Variants in COP1 observed in about 807,000 individuals in gnomAD.
COP1 encodes the protein COP1 E3 ubiquitin ligase, also known as E3 ubiquitin-protein ligase COP1.
Under a neutral mutation model 101.3 loss-of-function variants are expected in COP1, and 24 were observed. The ratio of observed to expected loss-of-function variants is 0.24; its 90% CI spans 0.17 to 0.33. The LOEUF is 0.33. Among genes scored for constraint, COP1 ranks in the 10% least tolerant of loss-of-function variants. COP1 has a pLI of 1.00. For synonymous variants in COP1, 347 were observed against 341.9 expected (o/e 1.01, Z -0.17); for missense variants, 663 against 906.2 (o/e 0.73, Z 3.45).
intron 3 of COP1, among the ~76,000 whole-genome samples, chr1:176,172,872 G>A (rs914542685): frequency 2.6e-5 from 4 of 152,172 alleles, no homozygotes; most frequent in Non-Finnish European, 5.9e-5. Flanking sequence ...GGCTATCACT[G>A]AACAAAGGAC....
chr1:176,143,974 A>C (rs532352919), intron 6 of COP1, among the ~76,000 whole-genome samples: 1 of 152,142 alleles, frequency 6.6e-6, no homozygotes, highest in African/African-American at 2.4e-5. Context: ...GATAAAAAGT[A>C]CCTACAAAAA....
chr1:176,124,691 T>C (rs1687729974), intron 8 of COP1, among the ~76,000 whole-genome samples: 1 of 152,220 alleles, frequency 6.6e-6, no homozygotes, highest in African/African-American at 2.4e-5. Flanking sequence ...ACAGGTTACT[T>C]CCAAATCTTG....
intron 6 of COP1, among the ~76,000 whole-genome samples, chr1:176,139,906 T>C (rs183207117): frequency 8.5e-5 from 13 of 152,232 alleles, no homozygotes; most frequent in Admixed American, 7.9e-4. Flanking sequence ...CATCACACCA[T>C]ATATCTACGT....
intron 14 of COP1, 135 bp downstream of exon 14, chr1:176,043,051 G>A (rs951309404): frequency 1.9e-5 from 12 of 639,442 alleles, no homozygotes; most frequent in Middle Eastern, 5.2e-4. Context: ...AAAACAACAT[G>A]GGGAATAATA....
intron 5 of COP1, among the ~76,000 whole-genome samples, chr1:176,150,938 C>T (rs1024651714): frequency 6.6e-6 from 1 of 151,754 alleles, no homozygotes; most frequent in Admixed American, 6.6e-5. Flanking sequence ...TACAATTTCA[C>T]ATATAAATAT....
At chr1:175,985,950 C>T (rs1057283284) in intron 18 of COP1, among the ~76,000 whole-genome samples, 1 of 152,108 alleles carries the variant, frequency 6.6e-6, no homozygotes, top group Non-Finnish European at 1.5e-5. Flanking sequence ...AAAAACCCAA[C>T]TAATCACCTA....
intron 1 of COP1, among the ~76,000 whole-genome samples, chr1:176,201,270 C>T (rs1423459843): frequency 6.6e-6 from 1 of 152,234 alleles, no homozygotes; most frequent in East Asian, 1.9e-4. Flanking sequence ...CCCTGTAATA[C>T]AAATTTTAAC....
intron 18 of COP1, chr1:175,968,464 T>C: frequency 1.9e-6 from 1 of 519,154 alleles, no homozygotes; most frequent in South Asian, 1.4e-5. Context: ...TCCATATATT[T>C]ATGTAGGATC....
At chr1:176,150,454 G>A (rs1692243870) in intron 5 of COP1, among the ~76,000 whole-genome samples, 1 of 152,154 alleles carries the variant, frequency 6.6e-6, no homozygotes, top group Non-Finnish European at 1.5e-5. Context: ...TTCTTCCCAA[G>A]TGAGTTAATC....
At chr1:175,974,527 C>A in intron 18 of COP1, among the ~76,000 whole-genome samples, 1 of 151,896 alleles carries the variant, frequency 6.6e-6, no homozygotes. Context: ...ACACTCAGTT[C>A]AAATGTTAAA....
At chr1:176,016,076 C>G (rs1665576308) in intron 15 of COP1, among the ~76,000 whole-genome samples, 1 of 151,956 alleles carries the variant, frequency 6.6e-6, no homozygotes, top group Admixed American at 6.6e-5. Context: ...AAATTGAGTT[C>G]TGGATGTTAA....
chr1:176,026,962 T>TGG (rs1667772442), intron 15 of COP1, among the ~76,000 whole-genome samples: 1 of 152,130 alleles, frequency 6.6e-6, no homozygotes, highest in African/African-American at 2.4e-5. Flanking sequence ...AGGGCACTAA[T>TGG]AATAAATACA....
rs900771382 is a variant in COP1 at position 176,093,363 on chromosome 1, T to C, written c.1027-7473A>G. On this transcript the variant is annotated intron_variant, in intron 9 of 19. Transcript: ENST00000367669. ...ATATTCCTTTGTAGGTACCAACATA[T>C]TTTTTAATAATACTAAGATTGTAAT... 5.9e-5 allele frequency among the ~76,000 whole-genome samples: 9 copies of C among 152,280 alleles called. No homozygotes were observed. In the East Asian group the frequency reaches 1.7e-3, roughly 29 times the overall value.
chr1:176,053,772 T>C (rs967776806), intron 11 of COP1, among the ~76,000 whole-genome samples: 4 of 152,246 alleles, frequency 2.6e-5, no homozygotes, highest in Admixed American at 1.3e-4. Context: ...CACTCTGTTA[T>C]GTATTTACTT....
chr1:176,036,520 A>AAAAAAAC (rs1553232075), intron 14 of COP1, among the ~76,000 whole-genome samples: 2 of 143,762 alleles, frequency 1.4e-5, no homozygotes, highest in African/African-American at 2.5e-5. Context: ...AAAAAAAAAA[A>AAAAAAAC]AAAAAAGCAT....
intron 15 of COP1, among the ~76,000 whole-genome samples, chr1:176,019,697 C>T (rs11487335): frequency 6.6e-6 from 1 of 151,326 alleles, no homozygotes; most frequent in Non-Finnish European, 1.5e-5. Flanking sequence ...TACGTTTTTC[C>T]AAAAAATATG....
Position 176,003,826 on chromosome 1 carries a change from C to T in COP1, c.1730-14347G>A, listed in dbSNP as rs936591661. On this transcript the variant is annotated intron_variant, in intron 15 of 19. Transcript: ENST00000367669. ...TTCTTTTGGCTTAGGATTGACTTGG[C>T]GATGTGGGCTCTTTTTTGGTTCCAT... Among the ~76,000 whole-genome samples the T allele has an allele frequency of 1.7e-4, 26 of 151,726 alleles. 1 individual carries two copies. The highest frequency in any genetic ancestry group is 3.2e-3 in the Middle Eastern group (1 of 316).
intron 14 of COP1, among the ~76,000 whole-genome samples, chr1:176,040,276 C>G (rs567104489): frequency 1.3e-5 from 2 of 151,990 alleles, no homozygotes; most frequent in East Asian, 3.9e-4. Flanking sequence ...CTCCCTTCCT[C>G]TCTCTCTCCT....
In COP1 at chr1:176,043,168, AAG is replaced by A. The variant is rs1371086742; in HGVS notation, c.1612+16_1612+17del. 1 of 1,539,376 alleles carries A rather than the reference AAG, an allele frequency of 6.5e-7. No individual in the cohort carries two copies. Among genetic ancestry groups the A allele is most frequent in the African/African-American group, 1.4e-5 (1 of 73,226 alleles). On this transcript the variant is annotated intron_variant, in intron 14 of 19. Transcript: ENST00000367669. ...GGCCAGGGAGAAGGAGGTGCTGAGA[AAG>A]AGATTCAAACAGTACCTTTTGCATC...
Sources: gnomAD v4.1 joint callset for allele counts (sites outside exome capture counted in the v4.1 genomes callset) on GRCh38, gnomAD v4.1.1 for gene constraint, MANE v1.5 for transcripts, NCBI Gene and HGNC (gene_info 2026-07-23, HGNC 2026-07-21) for gene names.